The following ST6GALNAC3 variants were observed in gnomAD, a reference collection of about 807,000 sequenced individuals.
ST6GALNAC3 encodes ST6 N-acetylgalactosaminide alpha-2,6-sialyltransferase 3, also known as alpha-N-acetylgalactosaminide alpha-2,6-sialyltransferase 3.
Under a neutral mutation model 32.7 loss-of-function variants are expected in ST6GALNAC3, and 25 were observed. That is an observed-to-expected ratio of 0.76 (90% confidence interval 0.56 to 1.07). ST6GALNAC3 has a LOEUF of 1.07. Ranked by LOEUF, ST6GALNAC3 falls within the 50% of genes least tolerant of loss-of-function variation. The probability of loss-of-function intolerance (pLI) is 0.00; values close to 1 mark genes in which losing one functional copy is unlikely to be tolerated. For synonymous variants in ST6GALNAC3, 129 were observed against 133.1 expected, an observed-to-expected ratio of 0.97 and a Z score of 0.21; for missense variants, 355 against 382.4, an observed-to-expected ratio of 0.93 and a Z score of 0.60.
At chr1:76,185,151 A>C (rs1219798926) in intron 1 of ST6GALNAC3, among the ~76,000 whole-genome samples, 1 of 152,208 alleles carries the variant, frequency 6.6e-6, no homozygotes, top group Non-Finnish European at 1.5e-5. Flanking sequence ...GTTAGACCCG[A>C]GACTCAAATC....
At position 76,528,528 on chromosome 1, in the gene ST6GALNAC3, C is replaced by T. The variant is rs554590883; in HGVS notation, c.624-98924C>T. Reference sequence around the variant, plus strand: ...GAAAGAAGATTCTTTACTAACCAGACGCATACATAGTATGTCGACTCTTGT... The same window carrying T: ...GAAAGAAGATTCTTTACTAACCAGATGCATACATAGTATGTCGACTCTTGT... On this transcript the variant is annotated intron_variant, in intron 3 of 4. Coordinates refer to ENST00000328299, the MANE Select transcript of ST6GALNAC3 (RefSeq NM_152996.4). Among the ~76,000 whole-genome samples, 418 of 152,210 alleles carry T rather than the reference C, an allele frequency of 2.7e-3. 3 individuals carry two copies. The highest frequency in any genetic ancestry group is 4.8e-3 in the Non-Finnish European group (326 of 68,018).
At chr1:76,162,154 T>C (rs1651851774) in intron 1 of ST6GALNAC3, among the ~76,000 whole-genome samples, 1 of 152,240 alleles carries the variant, frequency 6.6e-6, no homozygotes, top group African/African-American at 2.4e-5. Flanking sequence ...ATGGGCATGT[T>C]ACTTAACCTC....
At chr1:76,096,225 A>G (rs951582952) in intron 1 of ST6GALNAC3, among the ~76,000 whole-genome samples, 12 of 152,196 alleles carry the variant, frequency 7.9e-5, no homozygotes, top group Non-Finnish European at 2.9e-5. Context: ...CTTTGGAGTG[A>G]ATTTTCTGTT....
At chr1:76,618,017 A>G (rs1648407405) in intron 3 of ST6GALNAC3, among the ~76,000 whole-genome samples, 1 of 152,228 alleles carries the variant, frequency 6.6e-6, no homozygotes, top group East Asian at 1.9e-4. Flanking sequence ...GCACAGATCT[A>G]CAAAATGGTG....
intron 1 of ST6GALNAC3, among the ~76,000 whole-genome samples, chr1:76,117,972 G>A (rs1014254009): frequency 2.0e-5 from 3 of 152,154 alleles, no homozygotes; most frequent in Non-Finnish European, 4.4e-5. Context: ...GACACAGTAA[G>A]TTCTTTTTTT....
At chr1:76,300,094 T>C (rs1035871629) in intron 1 of ST6GALNAC3, among the ~76,000 whole-genome samples, 3 of 152,014 alleles carry the variant, frequency 2.0e-5, no homozygotes, top group African/African-American at 7.2e-5. Context: ...CAGAAAAATA[T>C]GGAGGTGGGT....
intron 1 of ST6GALNAC3, among the ~76,000 whole-genome samples, chr1:76,273,768 T>C (rs1054134015): frequency 4.6e-5 from 7 of 152,208 alleles, no homozygotes. Flanking sequence ...AATCCATGAA[T>C]CTCACTTTTG....
intron 1 of ST6GALNAC3, among the ~76,000 whole-genome samples, chr1:76,285,040 A>G (rs1211648779): frequency 6.6e-6 from 1 of 152,190 alleles, no homozygotes. Flanking sequence ...TGAGGCAAGG[A>G]AAGGAAGATC....
chr1:76,264,598 G>C lies in ST6GALNAC3; in HGVS notation c.19-49207G>C, dbSNP rs1658425690. Among the ~76,000 whole-genome samples, 4 of 152,316 alleles carry C rather than the reference G, an allele frequency of 2.6e-5. No individual in the cohort carries two copies. The South Asian group carries it at 8.3e-4, about 32-fold the overall frequency. On this transcript the variant is annotated intron_variant, in intron 1 of 4. Transcript: ENST00000328299. Reference sequence around the variant, plus strand: ...ATCCTTCAAGGTGGTGTATGGAATAGCTTCCAGTGGAGTAGCTCAGTAGGA... The same window carrying C: ...ATCCTTCAAGGTGGTGTATGGAATACCTTCCAGTGGAGTAGCTCAGTAGGA...
chr1:76,600,665 G>A (rs1334207923), intron 3 of ST6GALNAC3, among the ~76,000 whole-genome samples: 2 of 152,168 alleles, frequency 1.3e-5, no homozygotes, highest in African/African-American at 2.4e-5. Context: ...TCTTGAAGAC[G>A]TCTGTCTTGT....
chr1:76,188,417 G>A (rs7542080), intron 1 of ST6GALNAC3, among the ~76,000 whole-genome samples: 78,692 of 152,118 alleles, frequency 0.52, 22,960 homozygotes, highest in East Asian at 0.88. Flanking sequence ...TTATTATAGT[G>A]TGTGTGGGAG....
chr1:76,348,780 G>A (rs960508742), intron 2 of ST6GALNAC3, among the ~76,000 whole-genome samples: 32 of 152,054 alleles, frequency 2.1e-4, no homozygotes, highest in African/African-American at 7.5e-4. Context: ...CATTCATTTA[G>A]TAATTCATTC....
At chr1:76,099,024 CTG>C (rs533130706) in intron 1 of ST6GALNAC3, among the ~76,000 whole-genome samples, 103 of 152,210 alleles carry the variant, frequency 6.8e-4, no homozygotes, top group African/African-American at 2.5e-3. Flanking sequence ...ATTGAAAAGA[CTG>C]TGCTTTCGCT....
At chr1:76,088,020 G>A (rs1305646283) in intron 1 of ST6GALNAC3, among the ~76,000 whole-genome samples, 1 of 152,188 alleles carries the variant, frequency 6.6e-6, no homozygotes, top group African/African-American at 2.4e-5. Flanking sequence ...TGGAACACCT[G>A]TGGGGTCATA....
intron 3 of ST6GALNAC3, among the ~76,000 whole-genome samples, chr1:76,493,967 C>G (rs565914512): frequency 6.6e-6 from 1 of 152,256 alleles, no homozygotes; most frequent in African/African-American, 2.4e-5. Flanking sequence ...CCTTTCTTAT[C>G]TTTGCCTGGG....
At chr1:76,122,790 A>G (rs976516099) in intron 1 of ST6GALNAC3, among the ~76,000 whole-genome samples, 1 of 152,114 alleles carries the variant, frequency 6.6e-6, no homozygotes, top group African/African-American at 2.4e-5. Context: ...CTCCAGGAAC[A>G]GGTAGCATCA....
intron 3 of ST6GALNAC3, among the ~76,000 whole-genome samples, chr1:76,606,821 A>G (rs1647581770): frequency 1.3e-5 from 2 of 151,166 alleles, no homozygotes; most frequent in South Asian, 2.1e-4. Flanking sequence ...ATGTTTCTCT[A>G]TACTTAACAA....
intron 1 of ST6GALNAC3, among the ~76,000 whole-genome samples, chr1:76,090,060 C>T (rs1002654591): frequency 6.6e-6 from 1 of 152,074 alleles, no homozygotes; most frequent in Non-Finnish European, 1.5e-5. Context: ...TTATCTGAGC[C>T]ACGGTTTCTC....
intron 2 of ST6GALNAC3, among the ~76,000 whole-genome samples, chr1:76,402,871 C>T (rs555154980): frequency 6.6e-6 from 1 of 152,110 alleles, no homozygotes; most frequent in East Asian, 1.9e-4. Context: ...TGTATTTCTG[C>T]CTTTCCAAAG....
Sources: gnomAD v4.1 joint callset for allele counts (sites outside exome capture counted in the v4.1 genomes callset) on GRCh38, gnomAD v4.1.1 for gene constraint, MANE v1.5 for transcripts, NCBI Gene and HGNC (gene_info 2026-07-23, HGNC 2026-07-21) for gene names.